ZHX3: variants seen among roughly 807,000 people sequenced by gnomAD.
ZHX3 encodes the protein zinc fingers and homeoboxes protein 3.
A neutral mutation model predicts 64.5 loss-of-function variants in ZHX3; 20 were observed. That is an observed-to-expected ratio of 0.31 (90% CI 0.22 to 0.45). The LOEUF (loss-of-function observed/expected upper bound fraction) is 0.45. ZHX3 is among the 20% of genes least tolerant of loss of function. ZHX3 has a pLI of 1.00. For synonymous variants in ZHX3, 423 were observed against 461.6 expected, an observed-to-expected ratio of 0.92 and a Z score of 1.07; for missense variants, 1,041 against 1,195.8, an observed-to-expected ratio of 0.87 and a Z score of 1.91.
At chr20:41,246,088 A>G (rs2041671844) in intron 2 of ZHX3, among the ~76,000 whole-genome samples, 1 of 152,198 alleles carries the variant, frequency 6.6e-6, no homozygotes, top group African/African-American at 2.4e-5. Context: ...GTTCTTTTGC[A>G]TCTCCTTTCC....
chr20:41,231,179 T>C (rs968646517), intron 2 of ZHX3, among the ~76,000 whole-genome samples: 4 of 152,168 alleles, frequency 2.6e-5, no homozygotes, highest in Admixed American at 6.5e-5. Flanking sequence ...TCTCCCCCCA[T>C]TGCTTTTTAT....
chr20:41,306,190 GCGACGCA>G (rs2044974886), intron 1 of ZHX3, among the ~76,000 whole-genome samples: 2 of 152,136 alleles, frequency 1.3e-5, no homozygotes, highest in South Asian at 4.1e-4. Flanking sequence ...ATTTGGGGAT[GCGACGCA>G]TTCTCTGAAG....
At chr20:41,239,757 C>G (rs1203869461) in intron 2 of ZHX3, 1 of 152,224 alleles carries the variant, frequency 6.6e-6, no homozygotes, top group Non-Finnish European at 1.5e-5. Flanking sequence ...TTAGAATGCC[C>G]TCCACCCTTC....
rs543447095 is a variant in ZHX3, at chr20:41,245,541, G to A, written c.-151+23449C>T. On this transcript the variant is annotated intron_variant, in intron 2 of 3. Transcript: ENST00000683867. The stretch of plus-strand genomic sequence containing the variant: ...CGCTGAGGTGAACAAAGGACCCATG[G>A]AAGCCCAGCTGTGTGAATTTACAGC... 2.0e-5 allele frequency among the ~76,000 whole-genome samples: 3 copies of A among 152,316 alleles called. No homozygotes were observed. In the East Asian group the frequency reaches 5.8e-4, roughly 29 times the overall value.
At chr20:41,220,935 C>T (rs1434738299) in intron 2 of ZHX3, among the ~76,000 whole-genome samples, 6 of 152,036 alleles carry the variant, frequency 3.9e-5, no homozygotes, top group East Asian at 1.9e-4. Context: ...GTGACCCACC[C>T]GCCTTAGCCT....
rs1056236620 is a variant in ZHX3 at position 41,180,357 on chromosome 20, T to G, written c.*4834A>C. On this transcript the variant is annotated 3_prime_UTR_variant, in exon 4 of 4. Transcript: ENST00000683867. ...TTTCAGAAATTGAGGAAGGGGGTGCTTTCCCCTGTCCTTGTCCATATGGTA... is the reference window on the plus strand; with the variant it reads ...TTTCAGAAATTGAGGAAGGGGGTGCGTTCCCCTGTCCTTGTCCATATGGTA... 6.6e-6 allele frequency: 1 copy of G among 152,510 alleles called. No individual in the cohort carries two copies. Among genetic ancestry groups the G allele is most frequent in the Non-Finnish European group, 1.5e-5 (1 of 68,100 alleles). The allele number at this position is 152,510 out of a possible 1,614,324, so 9.4% of individuals were successfully genotyped here. A position where few individuals can be genotyped will look rare whatever the true frequency, so the allele number is the denominator to read the frequency against.
intron 2 of ZHX3, among the ~76,000 whole-genome samples, chr20:41,252,076 A>G (rs1309789023): frequency 6.6e-6 from 1 of 152,214 alleles, no homozygotes; most frequent in African/African-American, 2.4e-5. Context: ...AGGAGGAAAT[A>G]GTCTTTATCA....
rs1419856132 is a variant in ZHX3, at chr20:41,212,926, C to A, written c.-150-7860G>T. Among the ~76,000 whole-genome samples the A allele has an allele frequency of 6.6e-6, 1 of 152,124 alleles. No homozygotes were observed. The highest frequency in any genetic ancestry group is 1.5e-5 in the Non-Finnish European group (1 of 68,032). ...ATATGTACACAAATGTTCACAGCAG[C>A]ATTATTCAAATAATGGCCAAAAGGT... On this transcript the variant is annotated intron_variant, in intron 2 of 3. Coordinates refer to ENST00000683867, the MANE Select transcript of ZHX3 (RefSeq NM_001384317.1). This position sits in a 1 kb window ranked among gnomAD's most constrained non-coding sequence, Gnocchi z 4.3.
At chr20:41,189,736 C>T (rs1395674358) in intron 3 of ZHX3, among the ~76,000 whole-genome samples, 1 of 152,116 alleles carries the variant, frequency 6.6e-6, no homozygotes, top group African/African-American at 2.4e-5. Context: ...TTTGGTGGAG[C>T]ATTTTTGGTT....
Position 41,178,948 on chromosome 20 carries a change from C to T in ZHX3, c.*6243G>A, listed in dbSNP as rs1042155716. The stretch of plus-strand genomic sequence containing the variant: ...TCACCTTTTCAGCCATCTCTCCTGA[C>T]AGCAGACTGCTCAACAGTCACTCCC... On this transcript the variant is annotated 3_prime_UTR_variant, in exon 4 of 4. Transcript: ENST00000683867. The T allele has an allele frequency of 6.6e-6, 1 of 152,660 alleles. No homozygotes were observed. Among genetic ancestry groups the T allele is most frequent in the African/African-American group, 2.4e-5 (1 of 41,444 alleles). 9.5% of individuals were successfully genotyped at this position (152,660 alleles called of 1,614,324 possible).
rs1035235154 is a variant in ZHX3, at chr20:41,212,805, A to C, written c.-150-7739T>G. ...AGAGCTAAACTGTGTCTCAAAAAAA[A>C]AAAACCAAAAACAAAACAAAACAAA... On this transcript the variant is annotated intron_variant, in intron 2 of 3. Transcript: ENST00000683867. The surrounding 1 kb of genome is among the most constrained non-coding windows in gnomAD (Gnocchi z 4.3). Among the ~76,000 whole-genome samples the C allele has an allele frequency of 2.1e-4, 32 of 152,132 alleles. No individual in the cohort carries two copies. The highest frequency in any genetic ancestry group is 7.2e-4 in the Admixed American group (11 of 15,288).
intron 1 of ZHX3, among the ~76,000 whole-genome samples, chr20:41,270,184 GTT>G (rs1555858121): frequency 1.3e-5 from 2 of 150,734 alleles, no homozygotes. Context: ...GAAGTCAAGA[GTT>G]TGATACAGCC....
Position 41,203,814 on chromosome 20 carries a change from A to G in ZHX3, c.1103T>C (p.Ile368Thr), listed in dbSNP as rs754947483. The change falls in exon 3 of 4, where the codon ATT becomes ACT. Residue 368 changes from isoleucine to threonine, a missense_variant. Transcript: ENST00000683867. This position sits in a 1 kb window ranked among gnomAD's most constrained non-coding sequence, Gnocchi z 7.1. ...KQGISWSPEE[I>T]EDARKKMFNT... ...GAACATCTTTTTCCGGGCATCCTCAATCTCCTCAGGGGACCAGCTGATCCC... is the reference window on the plus strand; with the variant it reads ...GAACATCTTTTTCCGGGCATCCTCAGTCTCCTCAGGGGACCAGCTGATCCC... The G allele has an allele frequency of 1.2e-5, 19 of 1,614,104 alleles. No individual in the cohort carries two copies. The highest frequency in any genetic ancestry group is 2.2e-5 in the East Asian group (1 of 44,902).
intron 3 of ZHX3, among the ~76,000 whole-genome samples, chr20:41,196,399 ATAT>A (rs1374705792): frequency 1.2e-4 from 5 of 41,796 alleles, no homozygotes; most frequent in African/African-American, 2.0e-4. Flanking sequence ...ATATTTATAT[ATAT>A]TATATATTAT....
chr20:41,216,814 G>A (rs190548532), intron 2 of ZHX3, among the ~76,000 whole-genome samples: 2 of 152,176 alleles, frequency 1.3e-5, no homozygotes, highest in Non-Finnish European at 2.9e-5. Flanking sequence ...ACTGATTTTC[G>A]CTGTTACCAC....
In ZHX3 at chr20:41,232,986, T is replaced by G. The variant is rs1462176296; in HGVS notation, c.-150-27920A>C. On this transcript the variant is annotated intron_variant, in intron 2 of 3. Coordinates refer to ENST00000683867, the MANE Select transcript of ZHX3 (RefSeq NM_001384317.1). This position sits in a 1 kb window ranked among gnomAD's most constrained non-coding sequence, Gnocchi z 5.0. ...AAGGCTGGTCTTAGGGTTCGTTTAATCGCTACATCCATCTTTATCAAGCAC... is the reference window on the plus strand; with the variant it reads ...AAGGCTGGTCTTAGGGTTCGTTTAAGCGCTACATCCATCTTTATCAAGCAC... Among the ~76,000 whole-genome samples the G allele has an allele frequency of 6.6e-6, 1 of 152,236 alleles. No individual in the cohort carries two copies. The highest frequency in any genetic ancestry group is 1.5e-5 in the Non-Finnish European group (1 of 68,036).
intron 1 of ZHX3, among the ~76,000 whole-genome samples, chr20:41,280,408 TTAAG>T (rs1048594557): frequency 6.6e-6 from 1 of 152,180 alleles, no homozygotes; most frequent in Non-Finnish European, 1.5e-5. Context: ...TAATGTGCCC[TTAAG>T]TAATAACAAA....
In ZHX3 at chr20:41,204,188, A is replaced by T. The variant is rs2038506477; in HGVS notation, c.729T>A (p.Ser243=). ...CATGGGGGTTTTTTGCAGAGCTGGCAGATGCCTGGCTGACTGGAACTGCCC... is the reference window on the plus strand; with the variant it reads ...CATGGGGGTTTTTTGCAGAGCTGGCTGATGCCTGGCTGACTGGAACTGCCC... ...INGAVPVSQA[S]ASSAKNPHAA... is the part of the protein sequence containing the mutation. Residue 243 remains serine (S), a synonymous_variant, in exon 3 of 4, where the codon TCT becomes TCA. Transcript: ENST00000683867. The surrounding 1 kb of genome is among the most constrained non-coding windows in gnomAD (Gnocchi z 6.6). 6.2e-7 allele frequency: 1 copy of T among 1,610,188 alleles called. No homozygotes were observed. The highest frequency in any genetic ancestry group is 8.5e-7 in the Non-Finnish European group (1 of 1,178,042).
chr20:41,196,435 T>TATAA (rs2037572760), intron 3 of ZHX3, among the ~76,000 whole-genome samples: 1 of 3,934 alleles, frequency 2.5e-4, no homozygotes, highest in African/African-American at 8.5e-4. Flanking sequence ...TTTATATAAA[T>TATAA]ATATATATTA....
Sources: gnomAD v4.1 joint callset for allele counts (sites outside exome capture counted in the v4.1 genomes callset) on GRCh38, gnomAD v4.1.1 for gene constraint, Gnocchi (gnomAD v3.1) non-coding constraint, MANE v1.5 for transcripts, NCBI Gene and HGNC (gene_info 2026-07-23, HGNC 2026-07-21) for gene names.